Variants in SNX5 observed in about 807,000 individuals in gnomAD.
The protein encoded by SNX5 is sorting nexin-5.
In SNX5, 31 loss-of-function variants were observed where a neutral mutation model predicts 53.9. The observed-to-expected ratio is 0.58, with a 90% CI of 0.43 to 0.78. The LOEUF (loss-of-function observed/expected upper bound fraction) is 0.78. Ranked by LOEUF, SNX5 falls within the 30% of genes least tolerant of loss-of-function variation. The probability of loss-of-function intolerance (pLI) is 0.00; values close to 1 mark genes in which losing one functional copy is unlikely to be tolerated. For synonymous variants in SNX5, 168 were observed against 171.1 expected, an observed-to-expected ratio of 0.98 and a Z score of 0.14; for missense variants, 471 against 478.8, an observed-to-expected ratio of 0.98 and a Z score of 0.15.
At chr20:17,949,481 G>C (rs938264743) in intron 8 of SNX5, among the ~76,000 whole-genome samples, 1 of 152,170 alleles carries the variant, frequency 6.6e-6, no homozygotes, top group South Asian at 2.1e-4. Context: ...TCAATTTCGA[G>C]TCAGAAGTAG....
chr20:17,948,973 C>T lies in SNX5; in HGVS notation c.835G>A (p.Val279Ile), dbSNP rs768497425. 65 of 1,612,430 alleles carry T rather than the reference C, an allele frequency of 4.0e-5. No homozygotes were observed. The highest frequency in any genetic ancestry group is 5.1e-5 in the Non-Finnish European group (60 of 1,179,714). The stretch of plus-strand genomic sequence containing the variant: ...TCATCTGATGAAACTCGACCCTCTA[C>T]TTTCTATATAGAAAAGGAAAGGTCA... ...VAELFEKLRKVEGRVSSDEDL... is the reference protein window; with the variant it reads ...VAELFEKLRKIEGRVSSDEDL... The change falls in exon 10 of 13, where the codon GTA (valine) becomes ATA (isoleucine). Residue 279 changes from valine (V) to isoleucine (I), a missense_variant. Coordinates refer to ENST00000377759, the MANE Select transcript of SNX5 (RefSeq NM_014426.4).
chr20:17,966,694 A>G (rs17802664), intron 1 of SNX5, among the ~76,000 whole-genome samples: 14,608 of 152,282 alleles, frequency 0.096, 749 homozygotes, highest in Non-Finnish European at 0.12. Flanking sequence ...ACCAAAGTAA[A>G]TTATCAGGAG....
chr20:17,948,309 A>C (rs1379069115), intron 10 of SNX5, among the ~76,000 whole-genome samples: 1 of 152,268 alleles, frequency 6.6e-6, no homozygotes, highest in Non-Finnish European at 1.5e-5. Flanking sequence ...ATGTTTTTAA[A>C]AACTCCCAAG....
rs923389847 is a variant in SNX5, at chr20:17,959,375, T to C, written c.52-2338A>G. Among the ~76,000 whole-genome samples the C allele has an allele frequency of 1.2e-4, 18 of 152,316 alleles. 1 individual carries two copies. The highest frequency in any genetic ancestry group is 3.4e-3 in the Middle Eastern group (1 of 294). ...TTCCTTTCTGGTTAGTATAGAAACA[T>C]ATTTTTTGTTTCAGAATGTGATGAA... On this transcript the variant is annotated intron_variant, in intron 1 of 12. Coordinates refer to ENST00000377759, the MANE Select transcript of SNX5 (RefSeq NM_014426.4).
At chr20:17,957,999 C>T (rs904530536) in intron 1 of SNX5, among the ~76,000 whole-genome samples, 7 of 100,102 alleles carry the variant, frequency 7.0e-5, no homozygotes, top group Non-Finnish European at 1.3e-4. Context: ...CATTTCTGCC[C>T]GTCAAAAAAA....
intron 5 of SNX5, 131 bp from the exon 6 acceptor site, chr20:17,951,726 G>A: frequency 1.6e-6 from 1 of 613,424 alleles, no homozygotes; most frequent in East Asian, 2.8e-5. Context: ...CTTTAATTCT[G>A]CCTTAACCTC....
chr20:17,947,549 C>T lies in SNX5; in HGVS notation c.1015G>A (p.Ala339Thr). 2 of 1,613,948 alleles carry T rather than the reference C, an allele frequency of 1.2e-6. No homozygotes were observed. Among genetic ancestry groups the T allele is most frequent in the Non-Finnish European group, 1.7e-6 (2 of 1,179,860 alleles). The change falls in exon 11 of 13, where the codon GCT (alanine) becomes ACT (threonine). Residue 339 changes from alanine (A) to threonine (T), a missense_variant. By Grantham distance (58) the Ala-to-Thr change is moderately conservative (BLOSUM62 0). Coordinates refer to ENST00000377759, the MANE Select transcript of SNX5 (RefSeq NM_014426.4). ...CAGCACTCCTGCTGGTGTGCCTCAG[C>T]CAACTTGACGTCTTTGCTCTTTAAC... is the stretch of plus-strand genomic sequence containing the variant. ...ARLKSKDVKL[A>T]EAHQQECCQK...
intron 3 of SNX5, among the ~76,000 whole-genome samples, chr20:17,954,524 G>A (rs1241459093): frequency 6.6e-6 from 1 of 152,158 alleles, no homozygotes; most frequent in African/African-American, 2.4e-5. Context: ...CTCTAATTTT[G>A]AATGAAAGAC....
At chr20:17,966,377 TCC>T (rs1568599625) in intron 1 of SNX5, among the ~76,000 whole-genome samples, 1 of 135,680 alleles carries the variant, frequency 7.4e-6, no homozygotes, top group East Asian at 2.3e-4. Flanking sequence ...AGAGCGAGAC[TCC>T]GTCTCAAAAA....
intron 1 of SNX5, among the ~76,000 whole-genome samples, chr20:17,960,391 C>G (rs1166870897): frequency 1.3e-5 from 2 of 152,048 alleles, no homozygotes; most frequent in Admixed American, 6.6e-5. Context: ...GTCAGGAGAT[C>G]GAGAACATCT....
At chr20:17,946,879 GAC>G (rs2039494394) in intron 11 of SNX5, among the ~76,000 whole-genome samples, 1 of 152,098 alleles carries the variant, frequency 6.6e-6, no homozygotes, top group African/African-American at 2.4e-5. Flanking sequence ...ATGAAGGAGA[GAC>G]ACACTGTCCA....
At chr20:17,960,868 A>G (rs928222994) in intron 1 of SNX5, among the ~76,000 whole-genome samples, 5 of 152,192 alleles carry the variant, frequency 3.3e-5, no homozygotes, top group African/African-American at 1.2e-4. Context: ...TTTTTAAAAA[A>G]TTTTTAAAAA....
intron 3 of SNX5, 135 bp from the exon 4 acceptor site, chr20:17,954,252 G>A (rs2035316310): frequency 7.1e-7 from 1 of 1,415,024 alleles, no homozygotes; most frequent in Non-Finnish European, 9.4e-7. Flanking sequence ...GTCAACTCCT[G>A]TTTTTTCTTA....
rs371868535 is a variant in SNX5 at position 17,956,926 on chromosome 20, T to C, written c.156+7A>G. 6.3e-6 allele frequency: 9 copies of C among 1,438,878 alleles called. No homozygotes were observed. The highest frequency in any genetic ancestry group is 6.9e-6 in the Non-Finnish European group (7 of 1,021,278). 89.1% of individuals were successfully genotyped at this position (1,438,878 alleles called of 1,614,324 possible). A position where few individuals can be genotyped will look rare whatever the true frequency, so the allele number is the denominator to read the frequency against. On this transcript the variant is annotated splice_region_variant and intron_variant, in intron 2 of 12. Transcript: ENST00000377759. ...CACTGTATGTATTACCACTGCATGT[T>C]ACTTACCTTTGTGTGCACTGTAAAT...
At position 17,966,071 on chromosome 20, in the gene SNX5, TATC is replaced by T. The variant is rs2035532080; in HGVS notation, c.51+2301_51+2303del. Among the ~76,000 whole-genome samples, 4 of 152,036 alleles carry T rather than the reference TATC, an allele frequency of 2.6e-5. No individual in the cohort carries two copies. The South Asian group carries it at 8.3e-4, about 32-fold the overall frequency. On this transcript the variant is annotated intron_variant, in intron 1 of 12. Coordinates refer to ENST00000377759, the MANE Select transcript of SNX5 (RefSeq NM_014426.4). ...ACTCCTGAGTAGGTAAGAGGACAGA[TATC>T]ATTCACCAAAGTCCCTGTAACCAAG...
chr20:17,951,794 AG>A (rs1225881161), intron 5 of SNX5, among the ~76,000 whole-genome samples, 199 bp from the exon 6 acceptor site: 1 of 152,240 alleles, frequency 6.6e-6, no homozygotes, highest in Non-Finnish European at 1.5e-5. Flanking sequence ...TCATTCTAAA[AG>A]GCTTGACAGA....
At chr20:17,966,999 C>CT (rs1255420709) in intron 1 of SNX5, among the ~76,000 whole-genome samples, 157 of 152,292 alleles carry the variant, frequency 1.0e-3, no homozygotes, top group African/African-American at 3.7e-3. Context: ...ATGTAACTCT[C>CT]TTCGCTACAG....
At position 17,961,523 on chromosome 20, in the gene SNX5, C is replaced by A. The variant is rs908438054; in HGVS notation, c.52-4486G>T. The A allele has an allele frequency of 3.9e-5, 38 of 985,162 alleles. No individual in the cohort carries two copies. The African/African-American group carries it at 6.1e-4, about 16-fold the overall frequency. The allele number at this position is 985,162 out of a possible 1,614,324, so 61.0% of individuals were successfully genotyped here. A position where few individuals can be genotyped will look rare whatever the true frequency, so the allele number is the denominator to read the frequency against. ...TGAACAGTCATTTAAATCTAATAGT[C>A]ATTTGTATACAATGTAAGACATGGA... is the stretch of plus-strand genomic sequence containing the variant. On this transcript the variant is annotated intron_variant, in intron 1 of 12. Coordinates refer to ENST00000377759, the MANE Select transcript of SNX5 (RefSeq NM_014426.4).
rs1256410289 is a variant in SNX5 at position 17,949,090 on chromosome 20, C to A, written c.805G>T (p.Val269Phe). ...PTVIKKYLLK[V>F]AELFEKLRKV... ...CTTAGTTTTTCAAATAGCTCAGCAA[C>A]CTTCAATAGGTACCTGGAAATGTAC... is the stretch of plus-strand genomic sequence containing the variant. The change falls in exon 9 of 13, where the codon GTT becomes TTT. Residue 269 changes from valine (V) to phenylalanine (F), a missense_variant. By Grantham distance (50) the Val-to-Phe change is conservative (BLOSUM62 -1). Transcript: ENST00000377759. 1.9e-6 allele frequency: 3 copies of A among 1,613,034 alleles called. No individual in the cohort carries two copies. The African/African-American group carries it at 4.0e-5, about 22-fold the overall frequency.
Sources: allele counts gnomAD v4.1 joint callset (sites outside exome capture counted in the v4.1 genomes callset), GRCh38; gene constraint gnomAD v4.1.1; transcripts MANE v1.5; gene names NCBI Gene and HGNC (gene_info 2026-07-23, HGNC 2026-07-21).